The following PPFIBP2 variants were observed in gnomAD, a reference collection of about 807,000 sequenced individuals.
PPFIBP2 encodes PPFIB scaffold protein 2.
PPFIBP2 carries 118 observed loss-of-function variants against 118.3 expected under a neutral mutation model. The ratio of observed to expected loss-of-function variants is 1.00; its 90% CI spans 0.86 to 1.16. The LOEUF (loss-of-function observed/expected upper bound fraction) is 1.16, where lower values mean the gene tolerates loss of function less well. PPFIBP2 is among the 50% of genes most tolerant of loss of function. PPFIBP2 has a pLI of 0.00. For missense variants in PPFIBP2, 1,195 were observed against 1,073.1 expected, an observed-to-expected ratio of 1.11 and a Z score of -1.59; for synonymous variants, 414 against 397.4, an observed-to-expected ratio of 1.04 and a Z score of -0.50.
the PPFIBP2 span, chr11:7,665,274 C>G: frequency 1.8e-6 from 2 of 1,085,086 alleles, no homozygotes; most frequent in Admixed American, 6.0e-5. Flanking sequence ...AGGTACATGG[C>G]AAGGCACTTT....
intron 2 of PPFIBP2, among the ~76,000 whole-genome samples, chr11:7,552,268 C>G (rs77924639): frequency 6.6e-6 from 1 of 152,078 alleles, no homozygotes; most frequent in Non-Finnish European, 1.5e-5. Flanking sequence ...TGTTGACATG[C>G]GTAAGGTGCT....
chr11:7,634,071 T>C (rs1033093169), intron 12 of PPFIBP2, among the ~76,000 whole-genome samples: 1 of 152,078 alleles, frequency 6.6e-6, no homozygotes, highest in African/African-American at 2.4e-5. Context: ...GGTTAATGTG[T>C]TCATCTCTAC....
rs142841350 is a variant in PPFIBP2 at position 7,520,704 on chromosome 11, A to C, written c.-37+6583A>C. The stretch of plus-strand genomic sequence containing the variant: ...GTCCCCATTTGGTGTGGGCACAACT[A>C]GGCTGAAACTTTTGGCAGCTTTGTT... On this transcript the variant is annotated intron_variant, in intron 1 of 23. Transcript: ENST00000299492. Among the ~76,000 whole-genome samples the C allele has an allele frequency of 5.6e-4, 86 of 152,324 alleles. 1 individual carries two copies. In the East Asian group the frequency reaches 0.014, roughly 25 times the overall value.
At chr11:7,621,350 T>C (rs550763603) in intron 7 of PPFIBP2, among the ~76,000 whole-genome samples, 2 of 152,224 alleles carry the variant, frequency 1.3e-5, no homozygotes, top group Non-Finnish European at 2.9e-5. Flanking sequence ...CAGTGAATCA[T>C]GCGTCCTAAA....
intron 1 of PPFIBP2, chr11:7,538,379 T>C (rs61890189): frequency 0.034 from 5,257 of 152,736 alleles, 134 homozygotes; most frequent in Non-Finnish European, 0.057. Flanking sequence ...CTGTTGCTGC[T>C]CTTTGCCTTC....
the PPFIBP2 span, among the ~76,000 whole-genome samples, chr11:7,662,287 G>A: frequency 0.062 from 9,443 of 152,160 alleles, 819 homozygotes; most frequent in African/African-American, 0.2. Context: ...GACTGGTACC[G>A]GTTGTTCCTT....
intron 5 of PPFIBP2, among the ~76,000 whole-genome samples, chr11:7,605,343 G>A (rs1216205323): frequency 6.6e-6 from 1 of 152,198 alleles, no homozygotes; most frequent in Non-Finnish European, 1.5e-5. Context: ...GAGGAGAAGA[G>A]GGAGACATGG....
chr11:7,662,616 A>G, the PPFIBP2 span, among the ~76,000 whole-genome samples: 16 of 148,174 alleles, frequency 1.1e-4, no homozygotes, highest in Non-Finnish European at 7.5e-5. Context: ...GAATCTGACA[A>G]TTATGTGTCT....
chr11:7,625,725 C>T, intron 7 of PPFIBP2, 52 bp from the exon 8 acceptor site: 3 of 1,474,204 alleles, frequency 2.0e-6, no homozygotes, highest in Non-Finnish European at 2.8e-6. Context: ...GGCACTTCAT[C>T]ATGATTTGGC....
chr11:7,533,032 T>TG (rs1411621618), intron 1 of PPFIBP2, among the ~76,000 whole-genome samples: 1 of 78,056 alleles, frequency 1.3e-5, no homozygotes, highest in Non-Finnish European at 2.8e-5. Context: ...AATTCATATC[T>TG]GTTTTTTTTT....
downstream of PPFIBP2, among the ~76,000 whole-genome samples, chr11:7,661,031 T>C (rs1252913781): frequency 6.6e-6 from 1 of 152,014 alleles, no homozygotes; most frequent in Non-Finnish European, 1.5e-5. Flanking sequence ...ATTTGATTCT[T>C]CTCTCTTTTT....
At chr11:7,541,501 A>G (rs556938736) in intron 1 of PPFIBP2, among the ~76,000 whole-genome samples, 14 of 152,196 alleles carry the variant, frequency 9.2e-5, no homozygotes, top group Non-Finnish European at 1.8e-4. Flanking sequence ...TGGTTCGCTT[A>G]TGGGTGCCAC....
chr11:7,594,927 AAAAAAAAAAAG>A lies in PPFIBP2; in HGVS notation c.372+1709_372+1719del, dbSNP rs1281717621. The stretch of plus-strand genomic sequence containing the variant: ...GCGAGACTCCATCTCAAAAAAAAAA[AAAAAAAAAAAG>A]AAAAAGGAGAGTGTGAATTGACAAT... On this transcript the variant is annotated intron_variant, in intron 4 of 23. Coordinates refer to ENST00000299492, the MANE Select transcript of PPFIBP2 (RefSeq NM_003621.5). Among the ~76,000 whole-genome samples, 61 of 151,984 alleles carry A rather than the reference AAAAAAAAAAAG, an allele frequency of 4.0e-4. 1 individual carries two copies. Among genetic ancestry groups the A allele is most frequent in the Admixed American group, 2.9e-3 (45 of 15,266 alleles).
rs534039042 is a variant in PPFIBP2 at position 7,616,002 on chromosome 11, T to C, written c.619-4933T>C. Among the ~76,000 whole-genome samples, 1 of 152,298 alleles carries C rather than the reference T, an allele frequency of 6.6e-6. No individual in the cohort carries two copies. Among genetic ancestry groups the C allele is most frequent in the South Asian group, 2.1e-4 (1 of 4,824 alleles). On this transcript the variant is annotated intron_variant, in intron 6 of 23. Transcript: ENST00000299492. This position sits in a 1 kb window ranked among gnomAD's most constrained non-coding sequence, Gnocchi z 5.2. ...AGTTTAGAGGTCTCTTGAAAGGAAGTAGTTTTCAGAGGGGCTTCTACAAAA... is the reference window on the plus strand; with the variant it reads ...AGTTTAGAGGTCTCTTGAAAGGAAGCAGTTTTCAGAGGGGCTTCTACAAAA...
intron 7 of PPFIBP2, among the ~76,000 whole-genome samples, chr11:7,622,976 C>G (rs775201979): frequency 6.6e-6 from 1 of 152,142 alleles, no homozygotes; most frequent in Non-Finnish European, 1.5e-5. Flanking sequence ...TTCCTATGTG[C>G]CAGAATGTAC....
the PPFIBP2 span, chr11:7,666,313 T>A: frequency 1.6e-6 from 1 of 629,870 alleles, no homozygotes; most frequent in Non-Finnish European, 2.8e-6. Context: ...ACATTTCCCA[T>A]CTGGAGCCAG....
chr11:7,552,524 C>A (rs1454411233), intron 2 of PPFIBP2, among the ~76,000 whole-genome samples: 1 of 152,152 alleles, frequency 6.6e-6, no homozygotes, highest in Non-Finnish European at 1.5e-5. Flanking sequence ...CTCTCTGCAT[C>A]TGTTCTTGCT....
In PPFIBP2 at chr11:7,625,757, A is replaced by C; in HGVS notation, c.712-20A>C. The C allele has an allele frequency of 4.4e-6, 7 of 1,607,010 alleles. No homozygotes were observed. The highest frequency in any genetic ancestry group is 6.0e-6 in the Non-Finnish European group (7 of 1,173,644). ...TGGCAGTCCTTCTGACCTGGTAGGG[A>C]TCCTCTGTTGCTCTTCCAGGCTGAA... On this transcript the variant is annotated intron_variant, in intron 7 of 23. Transcript: ENST00000299492.
At chr11:7,552,760 C>A (rs553307386) in intron 2 of PPFIBP2, among the ~76,000 whole-genome samples, 3 of 152,260 alleles carry the variant, frequency 2.0e-5, no homozygotes, top group Non-Finnish European at 4.4e-5. Flanking sequence ...GCTTGCCCCC[C>A]CCTCTCCTGG....
Sources: allele counts gnomAD v4.1 joint callset (sites outside exome capture counted in the v4.1 genomes callset), GRCh38; gene constraint gnomAD v4.1.1; non-coding constraint Gnocchi (gnomAD v3.1); transcripts MANE v1.5; gene names NCBI Gene and HGNC (gene_info 2026-07-23, HGNC 2026-07-21).